MAP3K4: variants seen among roughly 807,000 people sequenced by gnomAD.
The protein encoded by MAP3K4 is mitogen-activated protein kinase kinase kinase 4, also known as MAP three kinase 1.
Under a neutral mutation model 185.6 loss-of-function variants are expected in MAP3K4, and 67 were observed. The ratio of observed to expected loss-of-function variants is 0.36; its 90% CI spans 0.30 to 0.44. The LOEUF is 0.44. Ranked by LOEUF, MAP3K4 falls within the 20% of genes least tolerant of loss-of-function variation. The pLI, the probability that MAP3K4 is intolerant of heterozygous loss-of-function variation, is 1.00. For synonymous variants in MAP3K4, 702 were observed against 710.4 expected, an observed-to-expected ratio of 0.99 and a Z score of 0.19; for missense variants, 1,551 against 1,995.1, an observed-to-expected ratio of 0.78 and a Z score of 4.24.
At chr6:161,039,385 A>G (rs1783339797) in intron 2 of MAP3K4, among the ~76,000 whole-genome samples, 1 of 152,084 alleles carries the variant, frequency 6.6e-6, no homozygotes, top group Non-Finnish European at 1.5e-5. Context: ...AACCAGCAAT[A>G]CTGGCTTTTT....
intron 1 of MAP3K4, among the ~76,000 whole-genome samples, chr6:160,992,600 TTAGA>T (rs2115021854): frequency 6.6e-6 from 1 of 152,336 alleles, no homozygotes; most frequent in Admixed American, 6.5e-5. Flanking sequence ...GAAATTGCAC[TTAGA>T]CTATGCAGAC....
intron 3 of MAP3K4, among the ~76,000 whole-genome samples, chr6:161,068,501 G>A (rs890269171): frequency 1.3e-5 from 2 of 152,200 alleles, no homozygotes; most frequent in African/African-American, 4.8e-5. Context: ...GCAGAGACCT[G>A]GCCATTAGGC....
intron 18 of MAP3K4, 129 bp downstream of exon 18, chr6:161,102,121 A>G (rs1260705731): frequency 2.9e-6 from 2 of 686,352 alleles, no homozygotes; most frequent in African/African-American, 3.6e-5. Context: ...TTCTAAAGGA[A>G]TGAAGAGTAA....
chr6:161,058,803 A>G (rs12111228), intron 3 of MAP3K4, among the ~76,000 whole-genome samples: 3,213 of 152,218 alleles, frequency 0.021, 121 homozygotes, highest in African/African-American at 0.074. Flanking sequence ...TCCATTTAAC[A>G]ACTACATGAT....
intron 1 of MAP3K4, among the ~76,000 whole-genome samples, chr6:161,028,825 G>A (rs1369416529): frequency 2.0e-5 from 3 of 152,194 alleles, no homozygotes; most frequent in African/African-American, 7.2e-5. Context: ...CTCGAGGTTT[G>A]ACCGTTCACC....
At chr6:161,013,399 T>G (rs1045388207) in intron 1 of MAP3K4, among the ~76,000 whole-genome samples, 3 of 152,252 alleles carry the variant, frequency 2.0e-5, no homozygotes, top group Non-Finnish European at 4.4e-5. Context: ...CTTAGGTAAA[T>G]TTTTTGTACA....
At chr6:161,004,071 G>T (rs1781458859) in intron 1 of MAP3K4, among the ~76,000 whole-genome samples, 1 of 150,374 alleles carries the variant, frequency 6.7e-6, no homozygotes, top group Non-Finnish European at 1.5e-5. Flanking sequence ...AATATACCAA[G>T]AATATCAGAG....
chr6:161,116,973 C>A lies in MAP3K4; in HGVS notation c.*103C>A. The A allele has an allele frequency of 9.0e-7, 1 of 1,111,032 alleles. No homozygotes were observed. The highest frequency in any genetic ancestry group is 1.4e-6 in the Non-Finnish European group (1 of 736,232). 68.8% of individuals were successfully genotyped at this position (1,111,032 alleles called of 1,614,324 possible). On this transcript the variant is annotated 3_prime_UTR_variant, in exon 27 of 27. Transcript: ENST00000392142. This position sits in a 1 kb window ranked among gnomAD's most constrained non-coding sequence, Gnocchi z 6.2. ...AGCAGTATAAGCCTTTTTAACCTTC[C>A]AAGACTGAAGACTGCACAGGTGACA...
Position 161,084,873 on chromosome 6 carries a change from G to A in MAP3K4, c.2372+256G>A, listed in dbSNP as rs1458486207. Among the ~76,000 whole-genome samples, 3 of 152,184 alleles carry A rather than the reference G, an allele frequency of 2.0e-5. No individual in the cohort carries two copies. Among genetic ancestry groups the A allele is most frequent in the Non-Finnish European group, 2.9e-5 (2 of 68,034 alleles). On this transcript the variant is annotated intron_variant, in intron 7 of 26. Transcript: ENST00000392142. The surrounding 1 kb of genome is among the most constrained non-coding windows in gnomAD (Gnocchi z 4.6). ...TAAAAATAGTGCCAACTGGCTGGGC[G>A]CGGTGGCTCACGCCTGTAATCCCAG...
rs1352080424 is a variant in MAP3K4 at position 161,090,298 on chromosome 6, A to G, written c.2973+827A>G. Among the ~76,000 whole-genome samples the G allele has an allele frequency of 3.3e-5, 5 of 152,324 alleles. No individual in the cohort carries two copies. In the South Asian group the frequency reaches 8.3e-4, roughly 25 times the overall value. On this transcript the variant is annotated intron_variant, in intron 11 of 26. Transcript: ENST00000392142. ...TGTGCACTCGTGTGTAAGGGTGGGT[A>G]GAGAGAGAGACCGATTTGGAGCTAT...
rs1785596363 is a variant in MAP3K4 at position 161,084,399 on chromosome 6, C to T, written c.2256-102C>T. On this transcript the variant is annotated intron_variant, in intron 6 of 26. Transcript: ENST00000392142. The surrounding 1 kb of genome is among the most constrained non-coding windows in gnomAD (Gnocchi z 4.6). ...AATTTTTCATTTTTGATTTTTAAAC[C>T]ATTAGAGCAGTAGCTGAGCCTTTCA... is the stretch of plus-strand genomic sequence containing the variant. 2.7e-5 allele frequency: 18 copies of T among 659,846 alleles called. No individual in the cohort carries two copies. The South Asian group carries it at 3.2e-4, about 12-fold the overall frequency. 40.9% of individuals were successfully genotyped at this position (659,846 alleles called of 1,614,324 possible).
rs59165451 is a variant in MAP3K4, at chr6:161,085,667, T to C, written c.2373-712T>C. Among the ~76,000 whole-genome samples the C allele has an allele frequency of 7.5e-3, 1,135 of 152,292 alleles. 13 individuals are homozygous for C. The highest frequency in any genetic ancestry group is 0.065 in the Middle Eastern group (19 of 294). The stretch of plus-strand genomic sequence containing the variant: ...ACATGGTTTCTCACCTGGGAAAATA[T>C]TGAATAGCTGAGAAATGGAATAAAT... On this transcript the variant is annotated intron_variant, in intron 7 of 26. Coordinates refer to ENST00000392142, the MANE Select transcript of MAP3K4 (RefSeq NM_005922.4).
intron 1 of MAP3K4, among the ~76,000 whole-genome samples, chr6:160,998,777 G>A (rs1291281102): frequency 1.3e-5 from 2 of 152,072 alleles, no homozygotes; most frequent in African/African-American, 4.8e-5. Context: ...CATTTTAAGC[G>A]GTGTACTTGA....
At chr6:161,028,717 C>T (rs1562490995) in intron 1 of MAP3K4, among the ~76,000 whole-genome samples, 1 of 151,906 alleles carries the variant, frequency 6.6e-6, no homozygotes, top group African/African-American at 2.4e-5. Context: ...AAAAACAAGT[C>T]TAAATGTCTA....
At chr6:161,029,954 T>C (rs1419029965) in intron 1 of MAP3K4, among the ~76,000 whole-genome samples, 1 of 152,230 alleles carries the variant, frequency 6.6e-6, no homozygotes, top group Non-Finnish European at 1.5e-5. Context: ...AAGTTTTCTC[T>C]GGCTGCTTTT....
chr6:161,048,374 A>G lies in MAP3K4; in HGVS notation c.344-242A>G, dbSNP rs1360967144. On this transcript the variant is annotated intron_variant, in intron 2 of 26. Coordinates refer to ENST00000392142, the MANE Select transcript of MAP3K4 (RefSeq NM_005922.4). This position sits in a 1 kb window ranked among gnomAD's most constrained non-coding sequence, Gnocchi z 4.7. ...GAGAAATAAACAGCTAGTTTAGGTAATTAGTTGTGAATATAAGAGAATACA... is the reference window on the plus strand; with the variant it reads ...GAGAAATAAACAGCTAGTTTAGGTAGTTAGTTGTGAATATAAGAGAATACA... The G allele has an allele frequency of 3.0e-6, 2 of 656,002 alleles. No individual in the cohort carries two copies. The highest frequency in any genetic ancestry group is 5.7e-6 in the Non-Finnish European group (2 of 353,120). 40.6% of individuals were successfully genotyped at this position (656,002 alleles called of 1,614,324 possible). A position where few individuals can be genotyped will look rare whatever the true frequency, so the allele number is the denominator to read the frequency against.
In MAP3K4 at chr6:161,008,617, A is replaced by T. The variant is rs1781703900; in HGVS notation, c.152+16534A>T. On this transcript the variant is annotated intron_variant, in intron 1 of 26. Coordinates refer to ENST00000392142, the MANE Select transcript of MAP3K4 (RefSeq NM_005922.4). The surrounding 1 kb of genome is among the most constrained non-coding windows in gnomAD (Gnocchi z 4.1). ...TTTATTGTTGTATAATTTAACAAAG[A>T]CATACTTGTGTATATTACATGTGTA... Among the ~76,000 whole-genome samples, 1 of 152,220 alleles carries T rather than the reference A, an allele frequency of 6.6e-6. No homozygotes were observed.
rs1264334028 is a variant in MAP3K4, at chr6:161,064,500, G to C, written c.1708-6108G>C. 6.6e-6 allele frequency among the ~76,000 whole-genome samples: 1 copy of C among 151,308 alleles called. No homozygotes were observed. Among genetic ancestry groups the C allele is most frequent in the Non-Finnish European group, 1.5e-5 (1 of 67,894 alleles). Reference sequence around the variant, plus strand: ...TCTAGATAATTGGGTATGTTTCTGTGTTCTGATCTGTTTATTACTGTGCAG... The same window carrying C: ...TCTAGATAATTGGGTATGTTTCTGTCTTCTGATCTGTTTATTACTGTGCAG... On this transcript the variant is annotated intron_variant, in intron 3 of 26. Transcript: ENST00000392142. The surrounding 1 kb of genome is among the most constrained non-coding windows in gnomAD (Gnocchi z 4.3).
At position 161,017,213 on chromosome 6, in the gene MAP3K4, A is replaced by G. The variant is rs965112504; in HGVS notation, c.153-17046A>G. On this transcript the variant is annotated intron_variant, in intron 1 of 26. Transcript: ENST00000392142. The surrounding 1 kb of genome is among the most constrained non-coding windows in gnomAD (Gnocchi z 5.1). ...CTTGGTAGAGGAGGGATACATTTGT[A>G]TAATTAAATGTAGGTTTTCGGAAAT... Among the ~76,000 whole-genome samples, 1 of 152,228 alleles carries G rather than the reference A, an allele frequency of 6.6e-6. No individual in the cohort carries two copies. The highest frequency in any genetic ancestry group is 1.5e-5 in the Non-Finnish European group (1 of 68,034).
Sources: gnomAD v4.1 joint callset for allele counts (sites outside exome capture counted in the v4.1 genomes callset) on GRCh38, gnomAD v4.1.1 for gene constraint, Gnocchi (gnomAD v3.1) non-coding constraint, MANE v1.5 for transcripts, NCBI Gene and HGNC (gene_info 2026-07-23, HGNC 2026-07-21) for gene names.